Variants in ELMO2 observed in about 807,000 individuals in gnomAD.
The protein encoded by ELMO2 is engulfment and cell motility 2, also known as engulfment and cell motility protein 2.
In ELMO2, 37 loss-of-function variants were observed where a neutral mutation model predicts 96.2. The observed-to-expected ratio is 0.38, with a 90% CI of 0.30 to 0.51. The LOEUF is 0.51. Among genes scored for constraint, ELMO2 ranks in the 20% least tolerant of loss-of-function variants. The pLI is 0.88. For missense variants in ELMO2, 561 were observed against 912.6 expected, an observed-to-expected ratio of 0.61 and a Z score of 4.96; for synonymous variants, 315 against 329.4, an observed-to-expected ratio of 0.96 and a Z score of 0.47.
At chr20:46,389,644 T>TA (rs1158793054) in intron 6 of ELMO2, among the ~76,000 whole-genome samples, 3 of 152,116 alleles carry the variant, frequency 2.0e-5, no homozygotes, top group South Asian at 2.1e-4. Flanking sequence ...AGCCAGGAGT[T>TA]AGACACCAGC....
chr20:46,394,432 A>C lies in ELMO2; in HGVS notation c.51T>G (p.Ala17=), dbSNP rs1239248180. 5.6e-6 allele frequency: 9 copies of C among 1,614,092 alleles called. No homozygotes were observed. Among genetic ancestry groups the C allele is most frequent in the African/African-American group, 1.3e-5 (1 of 74,936 alleles). The stretch of plus-strand genomic sequence containing the variant: ...GGTCGATTTCAAGGAGCTGGGCGTT[A>C]GCACCTGGCCACTCAATGGCCACTT... The part of the protein sequence containing the change: ...IVKVAIEWPG[A]NAQLLEIDQK... Residue 17 remains alanine, a synonymous_variant, in exon 3 of 22, where the codon GCT becomes GCG. Transcript: ENST00000290246.
chr20:46,394,276 C>A (rs1302370408), intron 3 of ELMO2, 129 bp downstream of exon 3: 2 of 1,238,122 alleles, frequency 1.6e-6, no homozygotes, highest in African/African-American at 3.0e-5. Context: ...GGGCCAGGCC[C>A]AAAGCTTAGC....
intron 10 of ELMO2, among the ~76,000 whole-genome samples, chr20:46,381,725 C>A (rs552891213): frequency 1.3e-5 from 2 of 152,314 alleles, no homozygotes; most frequent in Non-Finnish European, 2.9e-5. Flanking sequence ...CATCTCCTCG[C>A]AAAGCTGACC....
chr20:46,375,436 T>C lies in ELMO2; in HGVS notation c.931-66A>G, dbSNP rs1165234840. On this transcript the variant is annotated intron_variant, in intron 12 of 21. Coordinates refer to ENST00000290246, the MANE Select transcript of ELMO2 (RefSeq NM_133171.5). This position sits in a 1 kb window ranked among gnomAD's most constrained non-coding sequence, Gnocchi z 4.6. ...CCAAGGGAGCAAGGAAAAGAAACAG[T>C]GGGTCAGGCTTTTCTGGGCCAAACT... The C allele has an allele frequency of 1.9e-6, 3 of 1,586,206 alleles. No homozygotes were observed. The highest frequency in any genetic ancestry group is 2.6e-6 in the Non-Finnish European group (3 of 1,163,692).
chr20:46,389,056 T>TCCA lies in ELMO2; in HGVS notation c.405_407dup (p.Gly136dup), dbSNP rs772493802. On this transcript the variant is annotated inframe_insertion, in exon 7 of 22. Transcript: ENST00000290246. ...ATACTCACTGGGACAAGAGCTTGGT[T>TCCA]CCACTTTCCACGAGCCTTGTCAGCA... The TCCA allele has an allele frequency of 2.5e-6, 4 of 1,614,006 alleles. No individual in the cohort carries two copies. Among genetic ancestry groups the TCCA allele is most frequent in the Non-Finnish European group, 2.5e-6 (3 of 1,179,922 alleles).
At chr20:46,379,512 T>G (rs1438843554) in intron 11 of ELMO2, among the ~76,000 whole-genome samples, 1 of 152,174 alleles carries the variant, frequency 6.6e-6, no homozygotes, top group Non-Finnish European at 1.5e-5. Flanking sequence ...ATCTGGTTAC[T>G]TCACAAGCTC....
At chr20:46,388,364 T>G (rs562592641) in intron 7 of ELMO2, among the ~76,000 whole-genome samples, 218 of 152,344 alleles carry the variant, frequency 1.4e-3, no homozygotes, top group Non-Finnish European at 2.7e-3. Flanking sequence ...AGTTGATCTA[T>G]GGGCTGAGAA....
At chr20:46,383,719 C>T (rs568884202) in intron 9 of ELMO2, among the ~76,000 whole-genome samples, 279 of 152,252 alleles carry the variant, frequency 1.8e-3, no homozygotes, top group Non-Finnish European at 3.0e-3. Context: ...ACTGACAAGG[C>T]GTTTCATTAA....
Position 46,394,524 on chromosome 20 carries a change from C to T in ELMO2, c.-42G>A. ...TAATTCTGCGAGACAAAAACACAGA[C>T]ACGGCTGCCTGGGGAGAAAGAATCA... On this transcript the variant is annotated 5_prime_UTR_variant, in exon 3 of 22. Coordinates refer to ENST00000290246, the MANE Select transcript of ELMO2 (RefSeq NM_133171.5). 4.4e-6 allele frequency: 7 copies of T among 1,594,274 alleles called. No homozygotes were observed. Among genetic ancestry groups the T allele is most frequent in the Non-Finnish European group, 5.2e-6 (6 of 1,161,880 alleles).
intron 11 of ELMO2, 156 bp downstream of exon 11, chr20:46,380,097 G>C (rs574545769): frequency 1.6e-6 from 1 of 609,684 alleles, no homozygotes; most frequent in Non-Finnish European, 2.8e-6. Flanking sequence ...AGAGGATCGC[G>C]GGAAAAAGCT....
At chr20:46,374,668 G>A in intron 13 of ELMO2, 28 bp from the exon 14 acceptor site, 2 of 1,606,036 alleles carry the variant, frequency 1.2e-6, no homozygotes, top group Non-Finnish European at 1.7e-6. Context: ...CCCAATTTGA[G>A]ATGCGGCAGT....
chr20:46,390,896 C>G (rs1196908845), intron 6 of ELMO2: 1 of 152,314 alleles, frequency 6.6e-6, no homozygotes, highest in Non-Finnish European at 1.5e-5. Context: ...CTCGCTATCT[C>G]TACAGTGGAG....
intron 1 of ELMO2, among the ~76,000 whole-genome samples, chr20:46,399,992 C>T (rs1255579100): frequency 2.0e-5 from 3 of 152,100 alleles, no homozygotes; most frequent in African/African-American, 4.8e-5. Context: ...TAAAAATTAG[C>T]TGGGCATGGT....
At chr20:46,402,658 C>T (rs1423823348) in intron 1 of ELMO2, among the ~76,000 whole-genome samples, 1 of 152,228 alleles carries the variant, frequency 6.6e-6, no homozygotes, top group African/African-American at 2.4e-5. Context: ...CTGACCATAA[C>T]AGCACAGCAT....
At chr20:46,393,275 T>C (rs2060185471) in intron 5 of ELMO2, 132 bp from the exon 6 acceptor site, 1 of 982,902 alleles carries the variant, frequency 1.0e-6, no homozygotes, top group African/African-American at 1.6e-5. Flanking sequence ...CGGGCCCTCT[T>C]CTCCTGCTTA....
Position 46,371,770 on chromosome 20 carries a change from A to G in ELMO2, c.1580+36T>C. Reference sequence around the variant, plus strand: ...TGGAAGGAAAGCAGAGCTGGCAGCCACCTCCCCCGCCAGCCTCCCCTGAGA... The same window carrying G: ...TGGAAGGAAAGCAGAGCTGGCAGCCGCCTCCCCCGCCAGCCTCCCCTGAGA... On this transcript the variant is annotated intron_variant, in intron 17 of 21. Transcript: ENST00000290246. The surrounding 1 kb of genome is among the most constrained non-coding windows in gnomAD (Gnocchi z 5.9). The G allele has an allele frequency of 6.2e-7, 1 of 1,613,126 alleles. No homozygotes were observed. The highest frequency in any genetic ancestry group is 8.5e-7 in the Non-Finnish European group (1 of 1,179,596).
At chr20:46,405,357 C>A (rs1053123529) in intron 1 of ELMO2, among the ~76,000 whole-genome samples, 2 of 152,084 alleles carry the variant, frequency 1.3e-5, no homozygotes, top group Non-Finnish European at 2.9e-5. Flanking sequence ...GGAGGAAGAG[C>A]AGACCAGGGA....
intron 15 of ELMO2, 144 bp downstream of exon 15, chr20:46,374,188 T>G (rs1036349916): frequency 4.8e-5 from 24 of 504,998 alleles, no homozygotes. Flanking sequence ...GTGATCCTCC[T>G]GCCTCAGTCT....
intron 20 of ELMO2, 64 bp from the exon 21 acceptor site, chr20:46,369,032 G>C: frequency 6.7e-7 from 1 of 1,488,972 alleles, no homozygotes; most frequent in Non-Finnish European, 9.4e-7. Context: ...TCAAGATCTT[G>C]GCCAAAGTCC....
Sources: allele counts gnomAD v4.1 joint callset (sites outside exome capture counted in the v4.1 genomes callset), GRCh38; gene constraint gnomAD v4.1.1; non-coding constraint Gnocchi (gnomAD v3.1); transcripts MANE v1.5; gene names NCBI Gene and HGNC (gene_info 2026-07-23, HGNC 2026-07-21).